The following ADAMTS20 variants were observed in gnomAD, a reference collection of about 807,000 sequenced individuals.
ADAMTS20 encodes A disintegrin and metalloproteinase with thrombospondin motifs 20.
A neutral mutation model predicts 260.1 loss-of-function variants in ADAMTS20; 225 were observed. That is an observed-to-expected ratio of 0.87 (90% CI 0.78 to 0.97). The LOEUF is 0.97. ADAMTS20 is among the 50% of genes least tolerant of loss of function. ADAMTS20 has a pLI of 0.00. For missense variants in ADAMTS20, 2,400 were observed against 2,337.7 expected (o/e 1.03, Z -0.55); for synonymous variants, 802 against 769.5 (o/e 1.04, Z -0.70).
chr12:43,366,352 G>A (rs1307580882), intron 37 of ADAMTS20, among the ~76,000 whole-genome samples: 7 of 151,758 alleles, frequency 4.6e-5, no homozygotes, highest in Non-Finnish European at 1.0e-4. Context: ...ATACATAAAA[G>A]ATTGAATTGA....
intron 28 of ADAMTS20, among the ~76,000 whole-genome samples, chr12:43,416,610 G>A (rs149911682): frequency 0.013 from 1,951 of 145,912 alleles, 47 homozygotes; most frequent in African/African-American, 0.048. Context: ...TGCAAGCTCC[G>A]CCTCCCAGGT....
In ADAMTS20 at chr12:43,452,678, T is replaced by A. The variant is rs752243741; in HGVS notation, c.1778A>T (p.Asn593Ile). 4 of 1,605,388 alleles carry A rather than the reference T, an allele frequency of 2.5e-6. No homozygotes were observed. The highest frequency in any genetic ancestry group is 3.4e-6 in the Non-Finnish European group (4 of 1,174,354). ...TTTCATCCTGCGGCCCACACAGTAATTTCCTCCGTTTCTTGGCCTAGTCAA... is the reference window on the plus strand; with the variant it reads ...TTTCATCCTGCGGCCCACACAGTAAATTCCTCCGTTTCTTGGCCTAGTCAA... The part of the protein sequence containing the change: ...CNRPEPRNGG[N>I]YCVGRRMKFR... Residue 593 changes from asparagine (N) to isoleucine (I), a missense_variant, in exon 13 of 39, where the codon AAT becomes ATT. Coordinates refer to ENST00000389420, the MANE Select transcript of ADAMTS20 (RefSeq NM_025003.5).
chr12:43,448,225 A>C (rs1202534683), intron 14 of ADAMTS20, among the ~76,000 whole-genome samples: 1 of 152,186 alleles, frequency 6.6e-6, no homozygotes, highest in Non-Finnish European at 1.5e-5. Context: ...GTGTCATGCT[A>C]CCCAACTTCA....
intron 14 of ADAMTS20, among the ~76,000 whole-genome samples, chr12:43,449,136 A>G (rs1318899764): frequency 6.6e-6 from 1 of 152,166 alleles, no homozygotes; most frequent in African/African-American, 2.4e-5. Context: ...ATTACTGGAT[A>G]TATACCCAAA....
At chr12:43,367,891 C>T (rs1193855746) in intron 37 of ADAMTS20, among the ~76,000 whole-genome samples, 3 of 151,962 alleles carry the variant, frequency 2.0e-5, no homozygotes, top group African/African-American at 4.8e-5. Flanking sequence ...ATTTGGGCCC[C>T]AGATTTGGGT....
In ADAMTS20 at chr12:43,383,877, C is replaced by T. The variant is rs754878829; in HGVS notation, c.4553G>A (p.Arg1518Gln). The change falls in exon 30 of 39, where the codon CGA (arginine) becomes CAA (glutamine). Residue 1518 changes from arginine (R) to glutamine (Q), a missense_variant. By Grantham distance (43) the Arg-to-Gln change is conservative (BLOSUM62 1). Transcript: ENST00000389420. The stretch of plus-strand genomic sequence containing the variant: ...CCAACATCGCCTCTGAGAACAAGGT[C>T]GGGTGGACTGATCACACATTTCTTC... ...VVEEMCDQST[R>Q]PCSQRRCWSQ... 86 of 1,613,838 alleles carry T rather than the reference C, an allele frequency of 5.3e-5. No individual in the cohort carries two copies. The highest frequency in any genetic ancestry group is 6.5e-5 in the Non-Finnish European group (77 of 1,179,882).
At chr12:43,396,648 A>G (rs1419280594) in intron 29 of ADAMTS20, among the ~76,000 whole-genome samples, 3 of 152,202 alleles carry the variant, frequency 2.0e-5, no homozygotes, top group African/African-American at 7.2e-5. Flanking sequence ...TATATAAAAA[A>G]GCATCTATTT....
At chr12:43,525,768 G>C (rs1209302611) in intron 3 of ADAMTS20, among the ~76,000 whole-genome samples, 1 of 151,602 alleles carries the variant, frequency 6.6e-6, no homozygotes, top group African/African-American at 2.4e-5. Flanking sequence ...AGTATAAAAA[G>C]AAAAAAAGTC....
chr12:43,494,098 G>A (rs1942644217), intron 4 of ADAMTS20, among the ~76,000 whole-genome samples: 1 of 152,144 alleles, frequency 6.6e-6, no homozygotes, highest in African/African-American at 2.4e-5. Context: ...TTAATTAGAG[G>A]CATATCCCAC....
chr12:43,440,190 CTGG>C lies in ADAMTS20; in HGVS notation c.2291-124_2291-122del. On this transcript the variant is annotated intron_variant, in intron 16 of 38. Coordinates refer to ENST00000389420, the MANE Select transcript of ADAMTS20 (RefSeq NM_025003.5). ...ACGGAGTCTTGCTGTATCTCCCAGGCTGGAGTACAGTGGCACAATATTGGCTCA... is the reference window on the plus strand; with the variant it reads ...ACGGAGTCTTGCTGTATCTCCCAGGCAGTACAGTGGCACAATATTGGCTCA... 4 of 729,872 alleles carry C rather than the reference CTGG, an allele frequency of 5.5e-6. No individual in the cohort carries two copies. In the Middle Eastern group the frequency reaches 1.3e-3, roughly 229 times the overall value. 45.2% of individuals were successfully genotyped at this position (729,872 alleles called of 1,614,324 possible). A position where few individuals can be genotyped will look rare whatever the true frequency, so the allele number is the denominator to read the frequency against.
In ADAMTS20 at chr12:43,493,207, A is replaced by C; in HGVS notation, c.914T>G (p.Ile305Arg). 6.4e-7 allele frequency: 1 copy of C among 1,562,622 alleles called. No homozygotes were observed. The highest frequency in any genetic ancestry group is 1.2e-5 in the South Asian group (1 of 84,830). ...KDPSIGNLIHIVVVKLVMIHR... is the reference protein window; with the variant it reads ...KDPSIGNLIHRVVVKLVMIHR... ...AATCATAACTAATTTTACCACTACT[A>C]TGTGTATCAAATTTCCAATACTTGG... The change falls in exon 5 of 39, where the codon ATA (isoleucine) becomes AGA (arginine). Residue 305 changes from isoleucine to arginine, a missense_variant. Physicochemically the swap from Ile to Arg is moderately conservative, Grantham distance 97. Coordinates refer to ENST00000389420, the MANE Select transcript of ADAMTS20 (RefSeq NM_025003.5).
chr12:43,439,973 A>G lies in ADAMTS20; in HGVS notation c.2387T>C (p.Ile796Thr), dbSNP rs1212487392. The G allele has an allele frequency of 2.5e-6, 4 of 1,598,968 alleles. No homozygotes were observed. Among genetic ancestry groups the G allele is most frequent in the Middle Eastern group, 3.3e-4 (2 of 6,034 alleles). Reference sequence around the variant, plus strand: ...TGCGTTATTTGATCCACTGTATTCAATAACAGTTCTTGTTCCTTGCACATT... The same window carrying G: ...TGCGTTATTTGATCCACTGTATTCAGTAACAGTTCTTGTTCCTTGCACATT... ...EINVQGTRTV[I>T]EYSGSNNAVE... The change falls in exon 17 of 39, where the codon ATT becomes ACT. Residue 796 changes from isoleucine (I) to threonine (T), a missense_variant. Coordinates refer to ENST00000389420, the MANE Select transcript of ADAMTS20 (RefSeq NM_025003.5).
At chr12:43,381,410 T>C (rs1287201379) in intron 31 of ADAMTS20, among the ~76,000 whole-genome samples, 1 of 151,986 alleles carries the variant, frequency 6.6e-6, no homozygotes, top group Non-Finnish European at 1.5e-5. Context: ...ACCCACAGAA[T>C]TGGAGAAAAT....
intron 4 of ADAMTS20, among the ~76,000 whole-genome samples, chr12:43,499,677 G>T (rs1238691215): frequency 1.3e-5 from 2 of 151,792 alleles, no homozygotes; most frequent in African/African-American, 2.4e-5. Flanking sequence ...GCTAATTTTT[G>T]TGTTTTCAGT....
chr12:43,457,846 G>A (rs7971118), intron 11 of ADAMTS20, among the ~76,000 whole-genome samples: 118,282 of 152,194 alleles, frequency 0.78, 47,097 homozygotes, highest in East Asian at 1. Flanking sequence ...CAGTTGCCAG[G>A]ATGATCTCTT....
chr12:43,420,292 T>C (rs1941201659), intron 28 of ADAMTS20, among the ~76,000 whole-genome samples: 2 of 152,180 alleles, frequency 1.3e-5, no homozygotes, highest in African/African-American at 2.4e-5. Flanking sequence ...TTAGTGACCA[T>C]TACGATGTCT....
At chr12:43,381,494 A>T (rs1940349927) in intron 31 of ADAMTS20, among the ~76,000 whole-genome samples, 1 of 151,992 alleles carries the variant, frequency 6.6e-6, no homozygotes, top group Non-Finnish European at 1.5e-5. Flanking sequence ...CCAGTGAAAA[A>T]ATGAGCAGCC....
chr12:43,425,795 T>C, intron 27 of ADAMTS20, 105 bp from the exon 28 acceptor site: 1 of 767,312 alleles, frequency 1.3e-6, no homozygotes, highest in Non-Finnish European at 1.9e-6. Flanking sequence ...ATTCTAGTAA[T>C]TTTAACATAA....
At chr12:43,546,841 G>T (rs542542587) in intron 2 of ADAMTS20, among the ~76,000 whole-genome samples, 1 of 152,150 alleles carries the variant, frequency 6.6e-6, no homozygotes, top group East Asian at 1.9e-4. Flanking sequence ...AGAAATGTTT[G>T]AATTATGGGA....
Sources: allele counts gnomAD v4.1 joint callset (sites outside exome capture counted in the v4.1 genomes callset), GRCh38; gene constraint gnomAD v4.1.1; transcripts MANE v1.5; gene names NCBI Gene and HGNC (gene_info 2026-07-23, HGNC 2026-07-21).